RNF32: variants seen among roughly 807,000 people sequenced by gnomAD.
The protein encoded by RNF32 is ring finger protein 32.
Under a neutral mutation model 41.0 loss-of-function variants are expected in RNF32, and 36 were observed. The observed-to-expected ratio is 0.88, with a 90% CI of 0.67 to 1.16. The LOEUF is 1.16. RNF32 is among the 50% of genes most tolerant of loss of function. The probability of loss-of-function intolerance (pLI) is 0.00; values close to 1 mark genes in which losing one functional copy is unlikely to be tolerated. For missense variants in RNF32, 413 were observed against 436.7 expected, an observed-to-expected ratio of 0.95 and a Z score of 0.48; for synonymous variants, 154 against 160.9, an observed-to-expected ratio of 0.96 and a Z score of 0.32.
chr7:156,671,183 A>T (rs1342460353), intron 7 of RNF32, among the ~76,000 whole-genome samples: 1 of 152,258 alleles, frequency 6.6e-6, no homozygotes, highest in Non-Finnish European at 1.5e-5. Context: ...GCAAAAATTA[A>T]GAAACCAATG....
At chr7:156,653,023 G>A (rs372570139) in intron 3 of RNF32, among the ~76,000 whole-genome samples, 22 of 152,152 alleles carry the variant, frequency 1.4e-4, no homozygotes, top group Middle Eastern at 6.8e-3. Flanking sequence ...TTAGTGTAGC[G>A]TAAGTGTAGA....
chr7:156,640,215 G>C (rs1392686363), upstream of RNF32: 1 of 452,834 alleles, frequency 2.2e-6, no homozygotes, highest in East Asian at 7.0e-5. Context: ...CGGGGGGATC[G>C]GGGGATCCCC....
chr7:156,671,163 A>T (rs1802407096), intron 7 of RNF32, among the ~76,000 whole-genome samples: 1 of 152,226 alleles, frequency 6.6e-6, no homozygotes, highest in Non-Finnish European at 1.5e-5. Flanking sequence ...GAAAACTTTA[A>T]TTGAAAAGAG....
intron 7 of RNF32, chr7:156,659,100 TATTTAAC>T: frequency 7.4e-7 from 1 of 1,355,508 alleles, no homozygotes; most frequent in Non-Finnish European, 9.4e-7. Context: ...TTGGGGGACT[TATTTAAC>T]AATTTCCCAT....
intron 3 of RNF32, among the ~76,000 whole-genome samples, chr7:156,650,686 C>T (rs1444542383): frequency 6.6e-6 from 1 of 152,212 alleles, no homozygotes; most frequent in Non-Finnish European, 1.5e-5. Context: ...CTGGATTGTA[C>T]AGCAAGTGCC....
intron 8 of RNF32, among the ~76,000 whole-genome samples, 156 bp downstream of exon 8, chr7:156,676,019 G>A (rs369572401): frequency 3.4e-4 from 52 of 151,596 alleles, no homozygotes; most frequent in African/African-American, 1.2e-3. Context: ...GTGGCATGTC[G>A]GGGGAGGTCG....
intron 3 of RNF32, among the ~76,000 whole-genome samples, chr7:156,652,320 G>A (rs755072216): frequency 3.3e-5 from 5 of 152,030 alleles, no homozygotes; most frequent in Admixed American, 6.5e-5. Context: ...GATGTTCTGA[G>A]TACTTACTGG....
rs533523895 is a variant in RNF32 at position 156,665,139 on chromosome 7, A to C, written c.684+6569A>C. On this transcript the variant is annotated intron_variant, in intron 7 of 8. Transcript: ENST00000317955. The stretch of plus-strand genomic sequence containing the variant: ...TAAAAATGTGTACTAAATAAGGACC[A>C]GCTTCAGATTCATCGGTGTCTATAG... Among the ~76,000 whole-genome samples, 19 of 152,364 alleles carry C rather than the reference A, an allele frequency of 1.2e-4. No homozygotes were observed. In the South Asian group the frequency reaches 3.1e-3, roughly 25 times the overall value.
At chr7:156,674,462 CT>C (rs1803342618) in intron 7 of RNF32, among the ~76,000 whole-genome samples, 1 of 152,220 alleles carries the variant, frequency 6.6e-6, no homozygotes, top group Admixed American at 6.5e-5. Flanking sequence ...CCTTATTCTC[CT>C]TTGCTTTACA....
intron 5 of RNF32, 58 bp downstream of exon 5, chr7:156,657,631 G>C: frequency 1.3e-6 from 2 of 1,530,022 alleles, no homozygotes. Context: ...ACAGTGCAGA[G>C]AAACCATAGT....
At chr7:156,659,814 G>C (rs1410197492) in intron 7 of RNF32, 2 of 762,700 alleles carry the variant, frequency 2.6e-6, no homozygotes, top group Non-Finnish European at 3.2e-6. Flanking sequence ...TTAAGTTTCA[G>C]CGTTCAGTGC....
chr7:156,675,115 AGACCCGAAGAGGCAGCGGC>A (rs1200143965), intron 7 of RNF32, among the ~76,000 whole-genome samples: 9 of 152,376 alleles, frequency 5.9e-5, no homozygotes, highest in South Asian at 2.1e-4. Flanking sequence ...GAGATAGTGC[AGACCCGAAGAGGCAGCGGC>A]GACCCGAAGG....
intron 3 of RNF32, among the ~76,000 whole-genome samples, chr7:156,653,299 C>A (rs759688964): frequency 6.6e-6 from 1 of 152,208 alleles, no homozygotes; most frequent in Admixed American, 6.5e-5. Context: ...GTAGTCTAAT[C>A]AGCTGTACCG....
rs1801958611 is a variant in RNF32 at position 156,669,389 on chromosome 7, G to A, written c.685-6307G>A. The stretch of plus-strand genomic sequence containing the variant: ...GAAGGGGAGAGAGAGTGAAGTGAGG[G>A]GTGAGATGTTTGAAATAAGGTGGAA... On this transcript the variant is annotated intron_variant, in intron 7 of 8. Coordinates refer to ENST00000317955, the MANE Select transcript of RNF32 (RefSeq NM_030936.4). The surrounding 1 kb of genome is among the most constrained non-coding windows in gnomAD (Gnocchi z 4.2). 6.6e-6 allele frequency: 1 copy of A among 152,192 alleles called. No homozygotes were observed. Among genetic ancestry groups the A allele is most frequent in the African/African-American group, 2.4e-5 (1 of 41,414 alleles). 9.4% of individuals were successfully genotyped at this position (152,192 alleles called of 1,614,324 possible).
intron 2 of RNF32, among the ~76,000 whole-genome samples, chr7:156,644,219 A>G (rs761927685): frequency 6.6e-6 from 1 of 152,256 alleles, no homozygotes; most frequent in Non-Finnish European, 1.5e-5. Context: ...ATAGTGAAGC[A>G]GCGTGGGTTT....
Position 156,670,065 on chromosome 7 carries a change from C to G in RNF32, c.685-5631C>G, listed in dbSNP as rs767330259. On this transcript the variant is annotated intron_variant, in intron 7 of 8. Transcript: ENST00000317955. This position sits in a 1 kb window ranked among gnomAD's most constrained non-coding sequence, Gnocchi z 4.3. ...TATTTGCTGTTTATTTAATGTTATT[C>G]TAAGAAAAAATTAAATTATAAATTT... 3.2e-4 allele frequency among the ~76,000 whole-genome samples: 48 copies of G among 152,248 alleles called. No homozygotes were observed. Among genetic ancestry groups the G allele is most frequent in the Middle Eastern group, 3.4e-3 (1 of 294 alleles).
chr7:156,665,963 A>AT (rs1403890256), intron 7 of RNF32, among the ~76,000 whole-genome samples: 1 of 152,268 alleles, frequency 6.6e-6, no homozygotes, highest in Non-Finnish European at 1.5e-5. Context: ...ATTTGGCCTT[A>AT]CACATATTTC....
In RNF32 at chr7:156,669,610, T is replaced by C. The variant is rs750578364; in HGVS notation, c.685-6086T>C. ...AGCTGGGCGCTGAGCAGATAGGTCA[T>C]TTTCAAGAGGGCGACCCACAGCCAC... On this transcript the variant is annotated intron_variant, in intron 7 of 8. Transcript: ENST00000317955. This position sits in a 1 kb window ranked among gnomAD's most constrained non-coding sequence, Gnocchi z 4.2. Among the ~76,000 whole-genome samples the C allele has an allele frequency of 6.6e-6, 1 of 152,064 alleles. No homozygotes were observed. The highest frequency in any genetic ancestry group is 1.5e-5 in the Non-Finnish European group (1 of 68,002).
intron 7 of RNF32, among the ~76,000 whole-genome samples, chr7:156,666,615 T>G (rs1339251039): frequency 6.6e-6 from 1 of 152,216 alleles, no homozygotes; most frequent in Non-Finnish European, 1.5e-5. Flanking sequence ...GAAATGCCTG[T>G]GTCAGAGAGG....
Sources: allele counts gnomAD v4.1 joint callset (sites outside exome capture counted in the v4.1 genomes callset), GRCh38; gene constraint gnomAD v4.1.1; non-coding constraint Gnocchi (gnomAD v3.1); transcripts MANE v1.5; gene names NCBI Gene and HGNC (gene_info 2026-07-23, HGNC 2026-07-21).